CCSER1: variants seen among roughly 807,000 people sequenced by gnomAD.
CCSER1 encodes coiled-coil serine rich protein 1, also known as serine-rich coiled-coil domain-containing protein 1.
CCSER1 carries 41 observed loss-of-function variants against 82.0 expected under a neutral mutation model. The ratio of observed to expected loss-of-function variants is 0.50; its 90% CI spans 0.39 to 0.65. The LOEUF is 0.65. CCSER1 is among the 30% of genes least tolerant of loss of function. CCSER1 has a pLI of 0.00. For synonymous variants in CCSER1, 414 were observed against 383.9 expected (o/e 1.08, Z -0.92); for missense variants, 1,119 against 1,064.2 (o/e 1.05, Z -0.72).
chr4:91,492,558 A>G (rs1758604909), intron 10 of CCSER1, among the ~76,000 whole-genome samples: 1 of 152,096 alleles, frequency 6.6e-6, no homozygotes, highest in African/African-American at 2.4e-5. Flanking sequence ...TGTTTTGACT[A>G]TAAACTGTTG....
chr4:91,051,935 A>G (rs1031169896), intron 9 of CCSER1, among the ~76,000 whole-genome samples: 1 of 152,118 alleles, frequency 6.6e-6, no homozygotes, highest in Non-Finnish European at 1.5e-5. Context: ...TTATAGTTGG[A>G]TAGTCATACT....
At chr4:91,387,355 A>G (rs992668358) in intron 10 of CCSER1, among the ~76,000 whole-genome samples, 5 of 152,004 alleles carry the variant, frequency 3.3e-5, no homozygotes, top group Admixed American at 2.0e-4. Flanking sequence ...ATTTTCAGCT[A>G]TAATGTTTTT....
At chr4:90,491,364 A>G (rs930321032) in intron 5 of CCSER1, among the ~76,000 whole-genome samples, 1 of 152,138 alleles carries the variant, frequency 6.6e-6, no homozygotes, top group Non-Finnish European at 1.5e-5. Context: ...TCGCACATTG[A>G]TTTTATATCC....
rs1764738749 is a variant in CCSER1, at chr4:91,599,643, G to A, written c.*586G>A. The A allele has an allele frequency of 6.6e-6, 1 of 152,074 alleles. No homozygotes were observed. The highest frequency in any genetic ancestry group is 1.5e-5 in the Non-Finnish European group (1 of 68,008). 9.4% of individuals were successfully genotyped at this position (152,074 alleles called of 1,614,324 possible). A position where few individuals can be genotyped will look rare whatever the true frequency, so the allele number is the denominator to read the frequency against. On this transcript the variant is annotated 3_prime_UTR_variant, in exon 11 of 11. Coordinates refer to ENST00000509176, the MANE Select transcript of CCSER1 (RefSeq NM_001145065.2). ...CTCATCTTGTGATACTAGTAAGGGG[G>A]AAATGGCTGTATTTTTTTTCCTTTA...
At chr4:90,612,231 A>G (rs1785607507) in intron 5 of CCSER1, among the ~76,000 whole-genome samples, 1 of 152,164 alleles carries the variant, frequency 6.6e-6, no homozygotes, top group South Asian at 2.1e-4. Flanking sequence ...AGTTTTAGAG[A>G]GAAACTATTG....
chr4:90,910,469 C>T (rs1396720268), intron 8 of CCSER1, among the ~76,000 whole-genome samples: 1 of 152,016 alleles, frequency 6.6e-6, no homozygotes, highest in Non-Finnish European at 1.5e-5. Flanking sequence ...ATGAAATCAC[C>T]CAAGTTCTTA....
chr4:90,574,251 ATTTTTTTTTT>A (rs777629017), intron 5 of CCSER1, among the ~76,000 whole-genome samples: 8 of 86,074 alleles, frequency 9.3e-5, no homozygotes, highest in Non-Finnish European at 1.2e-4. Context: ...AAACACATTA[ATTTTTTTTTT>A]TTTTTTTTTT....
intron 10 of CCSER1, among the ~76,000 whole-genome samples, chr4:91,245,392 A>G (rs183468258): frequency 1.3e-5 from 2 of 152,290 alleles, no homozygotes; most frequent in Admixed American, 1.3e-4. Context: ...GATACTAAAA[A>G]CAGCAAGAGA....
At chr4:91,412,231 C>T (rs1753097689) in intron 10 of CCSER1, among the ~76,000 whole-genome samples, 1 of 151,996 alleles carries the variant, frequency 6.6e-6, no homozygotes, top group Non-Finnish European at 1.5e-5. Flanking sequence ...TTGGCTTTTG[C>T]CATGCCACCA....
intron 10 of CCSER1, among the ~76,000 whole-genome samples, chr4:91,390,978 G>A (rs1751609955): frequency 6.6e-6 from 1 of 151,778 alleles, no homozygotes; most frequent in African/African-American, 2.4e-5. Context: ...TTCTTAGTTA[G>A]CTTAGCTAGA....
At chr4:90,459,296 G>T (rs1016809197) in intron 4 of CCSER1, among the ~76,000 whole-genome samples, 1 of 152,216 alleles carries the variant, frequency 6.6e-6, no homozygotes, top group African/African-American at 2.4e-5. Context: ...AATGGGAGAG[G>T]ATAGGAGTAG....
intron 10 of CCSER1, among the ~76,000 whole-genome samples, chr4:91,255,518 A>C (rs967399129): frequency 1.3e-5 from 2 of 152,190 alleles, no homozygotes; most frequent in African/African-American, 4.8e-5. Context: ...ACAAAAACTG[A>C]GTTCATGAGA....
intron 10 of CCSER1, among the ~76,000 whole-genome samples, chr4:91,151,313 A>C (rs907104897): frequency 2.0e-5 from 3 of 151,834 alleles, no homozygotes; most frequent in Non-Finnish European, 4.4e-5. Flanking sequence ...ATCAGTGGTG[A>C]TATCCACTCT....
At chr4:90,461,524 TCTTC>T (rs1472781881) in intron 4 of CCSER1, among the ~76,000 whole-genome samples, 1 of 152,158 alleles carries the variant, frequency 6.6e-6, no homozygotes, top group East Asian at 1.9e-4. Context: ...TCCAGCTCAG[TCTTC>T]CTTAACTTCT....
chr4:90,642,295 G>T, intron 6 of CCSER1: 1 of 155,672 alleles, frequency 6.4e-6, no homozygotes, highest in Admixed American at 6.3e-5. Flanking sequence ...TATCAAATAT[G>T]ATGTTACAAC....
chr4:90,578,937 G>T (rs1478901181), intron 5 of CCSER1, among the ~76,000 whole-genome samples: 1 of 133,706 alleles, frequency 7.5e-6, no homozygotes, highest in Non-Finnish European at 1.6e-5. Context: ...TAAAGCATTG[G>T]TACTAATGAT....
At chr4:90,815,989 G>A (rs1207172253) in intron 8 of CCSER1, 144 bp downstream of exon 8, 5 of 527,620 alleles carry the variant, frequency 9.5e-6, no homozygotes, top group East Asian at 3.0e-5. Context: ...TTATAATTCT[G>A]TCATGAAAAC....
intron 10 of CCSER1, among the ~76,000 whole-genome samples, chr4:91,375,850 A>G (rs1343242089): frequency 2.5e-5 from 2 of 81,118 alleles, no homozygotes; most frequent in African/African-American, 3.6e-5. Context: ...ATGTACTAAT[A>G]TAGAATTTTA....
At chr4:90,563,877 G>T (rs1779065074) in intron 5 of CCSER1, among the ~76,000 whole-genome samples, 1 of 152,006 alleles carries the variant, frequency 6.6e-6, no homozygotes, top group Non-Finnish European at 1.5e-5. Flanking sequence ...TTCTATAATG[G>T]CTATACTAAG....
Sources: gnomAD v4.1 joint callset for allele counts (sites outside exome capture counted in the v4.1 genomes callset) on GRCh38, gnomAD v4.1.1 for gene constraint, MANE v1.5 for transcripts, NCBI Gene and HGNC (gene_info 2026-07-23, HGNC 2026-07-21) for gene names.